The following NUP210L variants were observed in gnomAD, a reference collection of about 807,000 sequenced individuals.
The protein encoded by NUP210L is nuclear pore membrane glycoprotein 210-like.
In NUP210L, 74 loss-of-function variants were observed where a neutral mutation model predicts 208.5. The observed-to-expected ratio is 0.35, with a 90% CI of 0.29 to 0.43. NUP210L has a LOEUF of 0.43. Ranked by LOEUF, NUP210L falls within the 20% of genes least tolerant of loss-of-function variation. The probability of loss-of-function intolerance (pLI) is 1.00; values close to 1 mark genes in which losing one functional copy is unlikely to be tolerated. For missense variants in NUP210L, 1,843 were observed against 2,289.4 expected, an observed-to-expected ratio of 0.81 and a Z score of 3.98; for synonymous variants, 780 against 816.9, an observed-to-expected ratio of 0.95 and a Z score of 0.77.
At chr1:154,129,407 G>T in intron 7 of NUP210L, 62 bp from the exon 8 acceptor site, 2 of 966,056 alleles carry the variant, frequency 2.1e-6, no homozygotes, top group Non-Finnish European at 1.6e-6. Context: ...AGGTACCAAA[G>T]GAGAAAAACA....
At chr1:154,001,756 G>C (rs1557904886) in exon 36 of NUP210L, 7 of 1,614,050 alleles carry the variant, frequency 4.3e-6, no homozygotes, top group Non-Finnish European at 5.9e-6. Flanking sequence ...TAAGAACTCT[G>C]TCCACTCCCA....
At position 154,003,944 on chromosome 1, in the gene NUP210L, T is replaced by C. The variant is rs1248750609; in HGVS notation, c.4931-1959A>G. ...TCAATGCATGCTTGGATTATTGCAA[T>C]TGGATAATTATGGATAATTAGTCTG... On this transcript the variant is annotated intron_variant, in intron 35 of 39. Coordinates refer to ENST00000368559, the Ensembl canonical transcript of NUP210L. 2.6e-5 allele frequency among the ~76,000 whole-genome samples: 4 copies of C among 152,172 alleles called. 1 individual carries two copies. Among genetic ancestry groups the C allele is most frequent in the African/African-American group, 9.7e-5 (4 of 41,432 alleles).
At chr1:154,075,796 T>C (rs1655000917) in intron 16 of NUP210L, among the ~76,000 whole-genome samples, 1 of 152,014 alleles carries the variant, frequency 6.6e-6, no homozygotes, top group Non-Finnish European at 1.5e-5. Flanking sequence ...TCTTTTTTTT[T>C]TTTCCTTTTT....
chr1:154,015,481 G>A (rs954270074), intron 33 of NUP210L, among the ~76,000 whole-genome samples: 2 of 152,036 alleles, frequency 1.3e-5, no homozygotes, highest in Non-Finnish European at 2.9e-5. Context: ...AGCACTTTGG[G>A]AGGCTGAGGT....
At chr1:154,122,109 T>C (rs1462648773) in intron 10 of NUP210L, among the ~76,000 whole-genome samples, 2 of 152,158 alleles carry the variant, frequency 1.3e-5, no homozygotes, top group Non-Finnish European at 2.9e-5. Context: ...GGGACATCAC[T>C]ACAGATTTTA....
In NUP210L at chr1:154,070,357, T is replaced by C. The variant is rs1654647666; in HGVS notation, c.2470A>G (p.Asn824Asp). The C allele has an allele frequency of 3.1e-6, 5 of 1,613,674 alleles. No individual in the cohort carries two copies. In the South Asian group the frequency reaches 4.4e-5, roughly 14 times the overall value. Reference sequence around the variant, plus strand: ...TCTTCGAAATGGGCTAGTGTTTCATTGGAGGATTTCCATTCTAGCATTAGT... The same window carrying C: ...TCTTCGAAATGGGCTAGTGTTTCATCGGAGGATTTCCATTCTAGCATTAGT... Residue 824 changes from asparagine (N) to aspartate (D), a missense_variant, in exon 17 of 40, where the codon AAT becomes GAT. Physicochemically the swap from Asn to Asp is conservative, Grantham distance 23. This residue lies in a region of NUP210L where 408 missense variants were observed against 600.8 expected (regional missense o/e 0.68). Coordinates refer to ENST00000368559, the Ensembl canonical transcript of NUP210L.
intron 32 of NUP210L, among the ~76,000 whole-genome samples, chr1:154,021,621 A>G (rs1383322168): frequency 6.6e-6 from 1 of 152,216 alleles, no homozygotes; most frequent in African/African-American, 2.4e-5. Flanking sequence ...ACTAGTTCTT[A>G]GAACTAAAGC....
chr1:154,000,647 C>A (rs752999553), intron 37 of NUP210L, among the ~76,000 whole-genome samples: 1 of 152,088 alleles, frequency 6.6e-6, no homozygotes, highest in Non-Finnish European at 1.5e-5. Context: ...TGGTTGGGGA[C>A]CAGAGCAGGA....
Position 154,012,230 on chromosome 1 carries a change from A to G in NUP210L, c.4780+14T>C, listed in dbSNP as rs769676041. The G allele has an allele frequency of 1.1e-5, 17 of 1,612,238 alleles. No homozygotes were observed. Among genetic ancestry groups the G allele is most frequent in the African/African-American group, 2.7e-5 (2 of 74,980 alleles). On this transcript the variant is annotated intron_variant, in intron 34 of 39. Coordinates refer to ENST00000368559, the Ensembl canonical transcript of NUP210L. Reference sequence around the variant, plus strand: ...GATAGGAACAATCACTGAAACCATGAAGAGATTCCTGACCTTTAAGATTGA... The same window carrying G: ...GATAGGAACAATCACTGAAACCATGGAGAGATTCCTGACCTTTAAGATTGA...
exon 7 of NUP210L, chr1:154,135,950 A>G: frequency 3.1e-6 from 5 of 1,606,494 alleles, no homozygotes; most frequent in Non-Finnish European, 4.3e-6. Context: ...CCAGTATATA[A>G]TGTTCCAGGG....
chr1:154,053,260 C>T (rs948513756), intron 25 of NUP210L, among the ~76,000 whole-genome samples: 19 of 152,342 alleles, frequency 1.2e-4, no homozygotes, highest in African/African-American at 4.6e-4. Flanking sequence ...TGGATAAAAA[C>T]ACTTGGAGGC....
chr1:153,997,986 G>T (rs750520437), intron 37 of NUP210L, among the ~76,000 whole-genome samples: 1 of 152,000 alleles, frequency 6.6e-6, no homozygotes, highest in Non-Finnish European at 1.5e-5. Context: ...GGGATTACAG[G>T]CTTGAGCCAC....
intron 33 of NUP210L, among the ~76,000 whole-genome samples, chr1:154,012,605 T>C (rs1650988756): frequency 6.6e-6 from 1 of 151,800 alleles, no homozygotes; most frequent in Non-Finnish European, 1.5e-5. Flanking sequence ...TGCAGTGGCA[T>C]GATCATGGCT....
chr1:154,012,688 ATG>A (rs1342816624), intron 33 of NUP210L, among the ~76,000 whole-genome samples: 1 of 152,026 alleles, frequency 6.6e-6, no homozygotes, highest in Non-Finnish European at 1.5e-5. Context: ...GACTACACGT[ATG>A]TGTCACCATG....
chr1:154,049,104 C>G (rs1653349336), intron 25 of NUP210L, among the ~76,000 whole-genome samples: 1 of 152,178 alleles, frequency 6.6e-6, no homozygotes, highest in Non-Finnish European at 1.5e-5. Flanking sequence ...AATCATTTCT[C>G]TACAGCACTG....
chr1:154,152,896 G>A, intron 1 of NUP210L, 24 bp from the exon 2 acceptor site: 1 of 1,610,362 alleles, frequency 6.2e-7, no homozygotes, highest in East Asian at 2.2e-5. Flanking sequence ...ATTCTTAAGA[G>A]TGTGAAATAG....
chr1:154,083,123 A>T (rs914081412), intron 16 of NUP210L, among the ~76,000 whole-genome samples: 10 of 152,140 alleles, frequency 6.6e-5, no homozygotes, highest in Non-Finnish European at 1.5e-5. Context: ...AAAGCAACCG[A>T]GCAGGTTGCC....
intron 16 of NUP210L, among the ~76,000 whole-genome samples, chr1:154,076,102 C>CTT (rs60524355): frequency 6.2e-4 from 73 of 117,906 alleles, no homozygotes; most frequent in East Asian, 1.8e-3. Flanking sequence ...ACAAAGACTT[C>CTT]TTTTTTTTTT....
At chr1:154,071,569 A>G (rs879646139) in intron 16 of NUP210L, among the ~76,000 whole-genome samples, 10 of 148,246 alleles carry the variant, frequency 6.7e-5, no homozygotes, top group Non-Finnish European at 1.2e-4. Flanking sequence ...GAGCTACTTC[A>G]CTTAGAATAA....
Sources: gnomAD v4.1 joint callset for allele counts (sites outside exome capture counted in the v4.1 genomes callset) on GRCh38, gnomAD v4.1.1 for gene constraint, gnomAD v4.1.1 regional missense constraint, MANE v1.5 for transcripts, NCBI Gene and HGNC (gene_info 2026-07-23, HGNC 2026-07-21) for gene names.